ATP9B: variants seen among roughly 807,000 people sequenced by gnomAD.
ATP9B encodes the protein probable phospholipid-transporting ATPase IIB.
In ATP9B, 110 loss-of-function variants were observed where a neutral mutation model predicts 146.1. That is an observed-to-expected ratio of 0.75 (90% CI 0.65 to 0.88). The LOEUF is 0.88. Ranked by LOEUF, ATP9B falls within the 40% of genes least tolerant of loss-of-function variation. The pLI, the probability that ATP9B is intolerant of heterozygous loss-of-function variation, is 0.00. For missense variants in ATP9B, 1,499 were observed against 1,496.4 expected (o/e 1.00, Z -0.03); for synonymous variants, 604 against 569.7 (o/e 1.06, Z -0.86).
intron 8 of ATP9B, among the ~76,000 whole-genome samples, chr18:79,182,137 A>T (rs2095258564): frequency 6.6e-6 from 1 of 152,122 alleles, no homozygotes; most frequent in Non-Finnish European, 1.5e-5. Context: ...TTGGAATGCT[A>T]ATTAATCCTG....
chr18:79,133,599 A>C (rs562157132), intron 5 of ATP9B, among the ~76,000 whole-genome samples: 1 of 152,190 alleles, frequency 6.6e-6, no homozygotes, highest in Admixed American at 6.5e-5. Context: ...GGTTATAAAC[A>C]TACATACACA....
chr18:79,272,053 G>A (rs951881566), intron 12 of ATP9B, among the ~76,000 whole-genome samples: 3 of 152,194 alleles, frequency 2.0e-5, no homozygotes, highest in African/African-American at 7.2e-5. Flanking sequence ...AGAAGTGCTT[G>A]TTCATATCCT....
In ATP9B at chr18:79,344,275, G is replaced by A. The variant is rs748102775; in HGVS notation, c.2393G>A (p.Arg798Gln). The A allele has an allele frequency of 9.9e-6, 16 of 1,614,010 alleles. No homozygotes were observed. The highest frequency in any genetic ancestry group is 1.2e-5 in the Non-Finnish European group (14 of 1,179,986). The change falls in exon 21 of 30, where the codon CGG (arginine) becomes CAG (glutamine). Residue 798 changes from arginine (R) to glutamine (Q), a missense_variant. Arg to Gln is a conservative substitution (Grantham distance 43). Transcript: ENST00000426216. ...DIHIFRQVTSRGEAHLELNAF... is the reference protein window; with the variant it reads ...DIHIFRQVTSQGEAHLELNAF... Reference sequence around the variant, plus strand: ...TCTCCCTTAATGGAGGTAACCAGTCGGGGAGAGGCACATTTGGAGCTGAAT... The same window carrying A: ...TCTCCCTTAATGGAGGTAACCAGTCAGGGAGAGGCACATTTGGAGCTGAAT...
At chr18:79,174,408 A>G (rs1050116155) in intron 7 of ATP9B, among the ~76,000 whole-genome samples, 2 of 152,260 alleles carry the variant, frequency 1.3e-5, no homozygotes, top group Non-Finnish European at 2.9e-5. Context: ...TTATCATACC[A>G]TAAACTATTG....
At chr18:79,320,817 T>TAC (rs1568674066) in intron 15 of ATP9B, among the ~76,000 whole-genome samples, 3 of 97,914 alleles carry the variant, frequency 3.1e-5, no homozygotes, top group East Asian at 8.5e-4. Flanking sequence ...GGGTTTTACG[T>TAC]TGGGAGGGAG....
intron 4 of ATP9B, chr18:79,117,142 T>C (rs551232338): frequency 6.6e-6 from 1 of 152,280 alleles, no homozygotes; most frequent in East Asian, 1.9e-4. Flanking sequence ...TTAGAATAAA[T>C]TTTAAAAGGT....
At chr18:79,302,121 G>A (rs969263138) in intron 13 of ATP9B, among the ~76,000 whole-genome samples, 2 of 152,168 alleles carry the variant, frequency 1.3e-5, no homozygotes, top group Admixed American at 1.3e-4. Flanking sequence ...TGGATATTTT[G>A]CAACCATAAA....
chr18:79,290,387 A>C (rs1221901012), intron 13 of ATP9B, among the ~76,000 whole-genome samples: 4 of 152,208 alleles, frequency 2.6e-5, no homozygotes, highest in Non-Finnish European at 4.4e-5. Context: ...GCTAGCAATC[A>C]GCGAGACTCT....
chr18:79,341,274 C>T (rs12959231), intron 19 of ATP9B, among the ~76,000 whole-genome samples: 81 of 80,462 alleles, frequency 1.0e-3, no homozygotes, highest in African/African-American at 1.2e-3. Flanking sequence ...GTGACCTCGT[C>T]GAAGTCTGTG....
At chr18:79,117,223 G>C (rs567215249) in intron 4 of ATP9B, 42 of 152,278 alleles carry the variant, frequency 2.8e-4, no homozygotes, top group African/African-American at 1.0e-3. Context: ...TTCATGTCCA[G>C]CCATAGTCTA....
intron 7 of ATP9B, among the ~76,000 whole-genome samples, chr18:79,171,838 T>TA (rs1300268301): frequency 2.6e-5 from 4 of 151,988 alleles, no homozygotes; most frequent in South Asian, 2.1e-4. Context: ...TCTGGAGTGT[T>TA]ATATAAATGA....
chr18:79,100,596 T>A lies in ATP9B; in HGVS notation c.293+3947T>A, dbSNP rs185699895. ...GTCATTCTTTTACTTTTTAAAAAAA[T>A]TTTTAAAAATTTTGAATTTGGAAAT... On this transcript the variant is annotated intron_variant, in intron 2 of 29. Coordinates refer to ENST00000426216, the MANE Select transcript of ATP9B (RefSeq NM_198531.5). 2.1e-4 allele frequency among the ~76,000 whole-genome samples: 32 copies of A among 152,304 alleles called. No homozygotes were observed. The East Asian group carries it at 5.2e-3, about 25-fold the overall frequency.
intron 2 of ATP9B, among the ~76,000 whole-genome samples, chr18:79,107,456 G>T (rs1403975041): frequency 6.6e-6 from 1 of 152,172 alleles, no homozygotes; most frequent in Admixed American, 6.5e-5. Context: ...GTTGGGAGGA[G>T]GGTGACCTTT....
intron 13 of ATP9B, among the ~76,000 whole-genome samples, chr18:79,290,740 C>T (rs1469339012): frequency 1.3e-5 from 2 of 152,224 alleles, no homozygotes; most frequent in African/African-American, 4.8e-5. Flanking sequence ...TGGAGCTGTT[C>T]CTATTCGGCT....
chr18:79,345,326 G>T, intron 21 of ATP9B, 102 bp from the exon 22 acceptor site: 2 of 1,322,390 alleles, frequency 1.5e-6, no homozygotes, highest in Admixed American at 2.0e-5. Context: ...GAACTGTGGC[G>T]TCTGTTGGCT....
chr18:79,282,221 T>C (rs2096385118), intron 13 of ATP9B, among the ~76,000 whole-genome samples: 1 of 152,258 alleles, frequency 6.6e-6, no homozygotes, highest in Non-Finnish European at 1.5e-5. Context: ...GCTATGAATG[T>C]TGTTGAAGTG....
intron 8 of ATP9B, among the ~76,000 whole-genome samples, 191 bp downstream of exon 8, chr18:79,177,098 G>T (rs144990277): frequency 6.6e-6 from 1 of 152,204 alleles, no homozygotes; most frequent in African/African-American, 2.4e-5. Flanking sequence ...CACATAATCA[G>T]TTTTAGGTAA....
chr18:79,140,031 T>C (rs2094494993), intron 5 of ATP9B, among the ~76,000 whole-genome samples: 2 of 152,228 alleles, frequency 1.3e-5, no homozygotes. Context: ...AAGCACATTA[T>C]TTACAGGTAT....
At chr18:79,303,739 G>A in intron 14 of ATP9B, 23 bp downstream of exon 14, 1 of 1,583,006 alleles carries the variant, frequency 6.3e-7, no homozygotes, top group Non-Finnish European at 8.7e-7. Context: ...CTCCTGCACG[G>A]GGTCTGCTTC....
Sources: allele counts gnomAD v4.1 joint callset (sites outside exome capture counted in the v4.1 genomes callset), GRCh38; gene constraint gnomAD v4.1.1; transcripts MANE v1.5; gene names NCBI Gene and HGNC (gene_info 2026-07-23, HGNC 2026-07-21).